Variants in ANO1 observed in about 807,000 individuals in gnomAD.
ANO1 encodes the protein anoctamin-1.
A neutral mutation model predicts 124.0 loss-of-function variants in ANO1; 59 were observed. That is an observed-to-expected ratio of 0.48 (90% CI 0.39 to 0.59). ANO1 has a LOEUF of 0.59. Ranked by LOEUF, ANO1 falls within the 20% of genes least tolerant of loss-of-function variation. The pLI, the probability that ANO1 is intolerant of heterozygous loss-of-function variation, is 0.00. For missense variants in ANO1, 1,059 were observed against 1,328.0 expected (o/e 0.80, Z 3.15); for synonymous variants, 529 against 532.0 (o/e 0.99, Z 0.08).
chr11:70,140,867 A>G (rs771318621), intron 11 of ANO1, among the ~76,000 whole-genome samples: 2 of 152,166 alleles, frequency 1.3e-5, no homozygotes, highest in Non-Finnish European at 2.9e-5. Context: ...CTGTCCCTTA[A>G]TGTAAACATC....
intron 22 of ANO1, among the ~76,000 whole-genome samples, chr11:70,175,210 G>A (rs772146392): frequency 6.6e-6 from 1 of 152,238 alleles, no homozygotes; most frequent in Non-Finnish European, 1.5e-5. Context: ...CAGGCCTTCC[G>A]CGTGCCTCTT....
the ANO1 span, among the ~76,000 whole-genome samples, chr11:69,978,590 A>G: frequency 1.3e-5 from 2 of 152,084 alleles, no homozygotes; most frequent in East Asian, 1.9e-4. Flanking sequence ...ACCTTAAGCA[A>G]TCCTTCTACC....
upstream of ANO1, among the ~76,000 whole-genome samples, chr11:70,073,948 C>T (rs116153986): frequency 0.029 from 4,384 of 151,274 alleles, 195 homozygotes; most frequent in African/African-American, 0.099. Flanking sequence ...TGCGGTTGGC[C>T]GGCCTCTGCT....
In ANO1 at chr11:70,043,804, C is replaced by T. The variant is rs190958401; in HGVS notation, c.59-34738C>T. Among the ~76,000 whole-genome samples, 177 of 152,062 alleles carry T rather than the reference C, an allele frequency of 1.2e-3. 1 individual carries two copies. Among genetic ancestry groups the T allele is most frequent in the African/African-American group, 3.7e-3 (155 of 41,512 alleles). ...AAAATTCATTGCTAGCAGACCTATA[C>T]CACAACAAATGATAAAGGAAGTTAT... On this transcript the variant is annotated intron_variant, in intron 1 of 27. Transcript: ENST00000531349.
chr11:70,064,553 C>A (rs1857672358), intron 1 of ANO1: 1 of 152,228 alleles, frequency 6.6e-6, no homozygotes, highest in Non-Finnish European at 1.5e-5. Flanking sequence ...CTGTTTGGGG[C>A]AGCAGGTAAG....
In ANO1 at chr11:70,078,555, C is replaced by A; in HGVS notation, c.-52C>A. 1.5e-6 allele frequency: 2 copies of A among 1,315,162 alleles called. No individual in the cohort carries two copies. Among genetic ancestry groups the A allele is most frequent in the Non-Finnish European group, 2.0e-6 (2 of 991,120 alleles). The allele number at this position is 1,315,162 out of a possible 1,614,324, so 81.5% of individuals were successfully genotyped here. ...CTCCGCCCGCAGAGGCCGCCGGGGC[C>A]GTGGATGGGGAGGGCGCGCCGCCCG... On this transcript the variant is annotated 5_prime_UTR_variant, in exon 1 of 26. Transcript: ENST00000355303.
At chr11:69,966,910 G>A in the ANO1 span, among the ~76,000 whole-genome samples, 1 of 152,172 alleles carries the variant, frequency 6.6e-6, no homozygotes, top group South Asian at 2.1e-4. Flanking sequence ...CCCCTCCTGA[G>A]AACAATGATC....
intron 1 of ANO1, among the ~76,000 whole-genome samples, chr11:70,052,531 CTTTTTTTTTTT>C (rs200770702): frequency 6.4e-3 from 423 of 65,840 alleles, no homozygotes; most frequent in Non-Finnish European, 0.011. Flanking sequence ...TTTTTCTTTT[CTTTTTTTTTTT>C]TTTTTTTTTT....
At chr11:70,150,821 A>G (rs1341724226) in intron 12 of ANO1, among the ~76,000 whole-genome samples, 1 of 152,090 alleles carries the variant, frequency 6.6e-6, no homozygotes. Flanking sequence ...ATTTCTTTCT[A>G]AAGATATTTT....
intron 1 of ANO1, among the ~76,000 whole-genome samples, chr11:70,006,066 G>A (rs782735688): frequency 2.0e-5 from 3 of 152,138 alleles, no homozygotes; most frequent in Non-Finnish European, 4.4e-5. Flanking sequence ...TTTGTGGGAA[G>A]AGACATCTTC....
chr11:70,095,540 G>C lies in ANO1; in HGVS notation c.441+7456G>C, dbSNP rs117821056. On this transcript the variant is annotated intron_variant, in intron 2 of 25. Coordinates refer to ENST00000355303, the MANE Select transcript of ANO1 (RefSeq NM_018043.7). The stretch of plus-strand genomic sequence containing the variant: ...CACAGCTCTGCCACAGGGCATCCCA[G>C]GCTGCTGGGGTGAAATCTTTGCCAT... Among the ~76,000 whole-genome samples, 1,397 of 152,360 alleles carry C rather than the reference G, an allele frequency of 9.2e-3. 10 individuals are homozygous for C. The highest frequency in any genetic ancestry group is 0.013 in the Non-Finnish European group (886 of 68,030).
chr11:70,174,437 G>C (rs2048606909), intron 22 of ANO1, among the ~76,000 whole-genome samples: 1 of 152,104 alleles, frequency 6.6e-6, no homozygotes, highest in Non-Finnish European at 1.5e-5. Context: ...TTAGGGACAA[G>C]TGAGAAAGAG....
chr11:70,161,351 T>C lies in ANO1; in HGVS notation c.1769T>C (p.Leu590Pro). The C allele has an allele frequency of 1.2e-6, 2 of 1,613,892 alleles. No individual in the cohort carries two copies. The highest frequency in any genetic ancestry group is 1.6e-4 in the Middle Eastern group (1 of 6,062). Reference protein sequence around the residue: ...DEVYGCIARWLTKIEVPKTEK... With the variant: ...DEVYGCIARWPTKIEVPKTEK... ...GTGTATGGCTGCATAGCCCGATGGC[T>C]CACCAAGATCGGTGAGTGCCCATGT... is the stretch of plus-strand genomic sequence containing the variant. The change falls in exon 17 of 26, where the codon CTC becomes CCC. Residue 590 changes from leucine (L) to proline (P), a missense_variant. Leu to Pro is a moderately conservative substitution (Grantham distance 98). Coordinates refer to ENST00000355303, the MANE Select transcript of ANO1 (RefSeq NM_018043.7).
At chr11:70,095,202 T>C (rs1410966920) in intron 2 of ANO1, among the ~76,000 whole-genome samples, 1 of 85,780 alleles carries the variant, frequency 1.2e-5, no homozygotes, top group African/African-American at 4.9e-5. Context: ...TGAGACTGTC[T>C]CAAAAAAGAA....
intron 7 of ANO1, among the ~76,000 whole-genome samples, chr11:70,114,405 G>T (rs900855375): frequency 6.6e-6 from 1 of 152,214 alleles, no homozygotes; most frequent in African/African-American, 2.4e-5. Flanking sequence ...CCTGAGCCGC[G>T]TGCACCCATG....
At chr11:70,112,878 GAAGA>G (rs2045842932) in intron 7 of ANO1, among the ~76,000 whole-genome samples, 1 of 152,130 alleles carries the variant, frequency 6.6e-6, no homozygotes, top group South Asian at 2.1e-4. Flanking sequence ...TCTTCTTGAG[GAAGA>G]AACAATGGAT....
In ANO1 at chr11:70,125,212, G is replaced by A. The variant is rs1326632115; in HGVS notation, c.962+798G>A. 2.0e-5 allele frequency among the ~76,000 whole-genome samples: 3 copies of A among 152,302 alleles called. No homozygotes were observed. The East Asian group carries it at 5.8e-4, about 29-fold the overall frequency. ...ACAAAAGTTAGCTGGCAGTGATGGTGCATGCCTATAGTCCCAGCTACTAGG... is the reference window on the plus strand; with the variant it reads ...ACAAAAGTTAGCTGGCAGTGATGGTACATGCCTATAGTCCCAGCTACTAGG... On this transcript the variant is annotated intron_variant, in intron 9 of 25. Coordinates refer to ENST00000355303, the MANE Select transcript of ANO1 (RefSeq NM_018043.7).
the ANO1 span, among the ~76,000 whole-genome samples, chr11:69,979,130 T>G: frequency 6.6e-6 from 1 of 152,226 alleles, no homozygotes; most frequent in South Asian, 2.1e-4. Flanking sequence ...TTCACCTGTC[T>G]CAGCCCTACA....
intron 1 of ANO1, among the ~76,000 whole-genome samples, chr11:70,035,381 C>CT (rs201807113): frequency 1.3e-5 from 2 of 151,606 alleles, no homozygotes; most frequent in African/African-American, 2.4e-5. Flanking sequence ...TATGACCCTG[C>CT]TTTTTTTTTC....
Sources: allele counts gnomAD v4.1 joint callset (sites outside exome capture counted in the v4.1 genomes callset), GRCh38; gene constraint gnomAD v4.1.1; transcripts MANE v1.5; gene names NCBI Gene and HGNC (gene_info 2026-07-23, HGNC 2026-07-21).